The following TOR1AIP2 variants were observed in gnomAD, a reference collection of about 807,000 sequenced individuals.
TOR1AIP2 encodes torsin-1A-interacting protein 2.
A neutral mutation model predicts 32.6 loss-of-function variants in TOR1AIP2; 20 were observed. That is an observed-to-expected ratio of 0.61 (90% confidence interval 0.43 to 0.89). TOR1AIP2 has a LOEUF of 0.89. Among genes scored for constraint, TOR1AIP2 ranks in the 40% least tolerant of loss-of-function variants. The probability of loss-of-function intolerance (pLI) is 0.00; values close to 1 mark genes in which losing one functional copy is unlikely to be tolerated. For synonymous variants in TOR1AIP2, 214 were observed against 210.8 expected, an observed-to-expected ratio of 1.02 and a Z score of -0.13; for missense variants, 456 against 553.8, an observed-to-expected ratio of 0.82 and a Z score of 1.77.
intron 2 of TOR1AIP2, chr1:179,867,811 G>C (rs1374605375): frequency 6.6e-6 from 1 of 152,224 alleles, no homozygotes; most frequent in East Asian, 1.9e-4. Flanking sequence ...ACAAGCACTA[G>C]AATTCCAAGT....
intron 3 of TOR1AIP2, chr1:179,861,896 G>T: frequency 1.1e-6 from 1 of 932,644 alleles, no homozygotes. Context: ...ACAGTGGTCT[G>T]ACTATCTTGC....
chr1:179,854,772 G>A lies in TOR1AIP2; in HGVS notation c.-146-1961C>T, dbSNP rs543042176. ...TGTAATCCCAGCTACTCAGGAGGCTGAGGCAAGAGAATCGTTTGAACCCGG... is the reference window on the plus strand; with the variant it reads ...TGTAATCCCAGCTACTCAGGAGGCTAAGGCAAGAGAATCGTTTGAACCCGG... On this transcript the variant is annotated intron_variant, in intron 3 of 6. Coordinates refer to ENST00000609928, the MANE Select transcript of TOR1AIP2 (RefSeq NM_001199260.2). 7.2e-5 allele frequency among the ~76,000 whole-genome samples: 11 copies of A among 152,302 alleles called. No homozygotes were observed. In the South Asian group the frequency reaches 2.3e-3, roughly 32 times the overall value.
intron 2 of TOR1AIP2, among the ~76,000 whole-genome samples, chr1:179,872,003 A>G (rs1697027645): frequency 6.6e-6 from 1 of 152,224 alleles, no homozygotes; most frequent in African/African-American, 2.4e-5. Context: ...GATCACTGAG[A>G]GAAGGCATAT....
intron 3 of TOR1AIP2, among the ~76,000 whole-genome samples, chr1:179,857,291 T>C (rs1282782765): frequency 6.6e-6 from 1 of 152,246 alleles, no homozygotes; most frequent in Non-Finnish European, 1.5e-5. Flanking sequence ...TTCCACTTCC[T>C]TGTGACGCTG....
intron 3 of TOR1AIP2, chr1:179,864,765 T>C (rs1434247042): frequency 3.2e-6 from 5 of 1,561,580 alleles, no homozygotes; most frequent in African/African-American, 1.4e-5. Flanking sequence ...CTTGACAATT[T>C]TGACTATTAT....
intron 2 of TOR1AIP2, among the ~76,000 whole-genome samples, chr1:179,869,397 G>T (rs1696927181): frequency 6.6e-6 from 1 of 152,194 alleles, no homozygotes; most frequent in South Asian, 2.1e-4. Context: ...AAAGATAATT[G>T]TAATTTTGTT....
chr1:179,850,914 G>A lies in TOR1AIP2; in HGVS notation c.484C>T (p.Gln162Ter), dbSNP rs1416686463. The change falls in exon 5 of 7, where the codon CAG becomes TAG. Residue 162 changes from glutamine to a stop codon, truncating the protein, a stop_gained. Transcript: ENST00000609928. LOFTEE classifies it high-confidence loss of function. ...EPPTTDSQEA[Q>*]SPGHSSAGQE... is the part of the protein sequence containing the mutation. Reference sequence around the variant, plus strand: ...CCTGCACTGGAATGACCAGGACTCTGGGCCTCCTGGGAGTCTGTAGTAGGT... The same window carrying A: ...CCTGCACTGGAATGACCAGGACTCTAGGCCTCCTGGGAGTCTGTAGTAGGT... 6 of 1,614,178 alleles carry A rather than the reference G, an allele frequency of 3.7e-6. No individual in the cohort carries two copies. Among genetic ancestry groups the A allele is most frequent in the Admixed American group, 1.7e-5 (1 of 60,026 alleles).
At chr1:179,869,353 A>C (rs1478796436) in intron 2 of TOR1AIP2, among the ~76,000 whole-genome samples, 1 of 152,132 alleles carries the variant, frequency 6.6e-6, no homozygotes, top group African/African-American at 2.4e-5. Context: ...TGGGAGAGGG[A>C]AGGGTGGGGG....
chr1:179,846,411 C>T lies in TOR1AIP2; in HGVS notation c.1073G>A (p.Gly358Asp), dbSNP rs1173896917. ...GTGGTGTACCACAGCAGCCTTCTGG[C>T]CATTCTCAAACCCATAGCTCAGCTC... ...DLELSYGFEN[G>D]QKAAVVHHFE... The change falls in exon 7 of 7, where the codon GGC (glycine) becomes GAC (aspartate). Residue 358 changes from glycine to aspartate, a missense_variant. Gly to Asp is a moderately conservative substitution (Grantham distance 94, BLOSUM62 -1). Coordinates refer to ENST00000609928, the MANE Select transcript of TOR1AIP2 (RefSeq NM_001199260.2). 5 of 1,614,174 alleles carry T rather than the reference C, an allele frequency of 3.1e-6. No individual in the cohort carries two copies. The South Asian group carries it at 5.5e-5, about 18-fold the overall frequency.
intron 3 of TOR1AIP2, among the ~76,000 whole-genome samples, 169 bp from the exon 4 acceptor site, chr1:179,852,980 A>G (rs932270383): frequency 6.6e-6 from 1 of 152,192 alleles, no homozygotes; most frequent in Admixed American, 6.5e-5. Flanking sequence ...ATCCTAGACT[A>G]CTGAAAAAAG....
chr1:179,865,916 A>G (rs1696753057), intron 2 of TOR1AIP2, 62 bp from the exon 3 acceptor site: 1 of 152,634 alleles, frequency 6.6e-6, no homozygotes, highest in African/African-American at 2.4e-5. Flanking sequence ...TATTATTAGA[A>G]ACATGCATTT....
intron 6 of TOR1AIP2, 63 bp downstream of exon 6, chr1:179,847,472 G>A (rs547038981): frequency 2.1e-5 from 23 of 1,070,254 alleles, no homozygotes; most frequent in Non-Finnish European, 3.4e-5. Flanking sequence ...AGTTTTCTAG[G>A]CATTTTCACT....
At position 179,841,213 on chromosome 1, in the gene TOR1AIP2, G is replaced by A. The variant is rs922941954; in HGVS notation, c.*4858C>T. Reference sequence around the variant, plus strand: ...CCATTGGACAAGTGATAGTGTTCAAGCTACTTGACTTGTGAAAAACAAAAA... The same window carrying A: ...CCATTGGACAAGTGATAGTGTTCAAACTACTTGACTTGTGAAAAACAAAAA... On this transcript the variant is annotated 3_prime_UTR_variant, in exon 7 of 7. Transcript: ENST00000609928. 10 of 152,108 alleles carry A rather than the reference G, an allele frequency of 6.6e-5. No homozygotes were observed. Among genetic ancestry groups the A allele is most frequent in the Admixed American group, 3.9e-4 (6 of 15,262 alleles). The allele number at this position is 152,108 out of a possible 1,614,324, so 9.4% of individuals were successfully genotyped here.
intron 4 of TOR1AIP2, 145 bp downstream of exon 4, chr1:179,852,487 G>A: frequency 1.3e-6 from 1 of 750,758 alleles, no homozygotes; most frequent in Non-Finnish European, 2.2e-6. Context: ...AAATTTGAAA[G>A]AATAAGTATA....
In TOR1AIP2 at chr1:179,846,357, A is replaced by G. The variant is rs1412377382; in HGVS notation, c.1127T>C (p.Leu376Ser). 6 of 1,614,124 alleles carry G rather than the reference A, an allele frequency of 3.7e-6. No individual in the cohort carries two copies. Among genetic ancestry groups the G allele is most frequent in the Non-Finnish European group, 5.1e-6 (6 of 1,180,048 alleles). The change falls in exon 7 of 7, where the codon TTG (leucine) becomes TCG (serine). Residue 376 changes from leucine (L) to serine (S), a missense_variant. By Grantham distance (145) the Leu-to-Ser change is moderately radical. Transcript: ENST00000609928. ...ATGATCACAATACTTATAGAAGATC[A>G]AAGTGGAGCCGGCAGGGAAGGATTC... ...HFESFPAGST[L>S]IFYKYCDHEN...
chr1:179,854,739 C>T lies in TOR1AIP2; in HGVS notation c.-146-1928G>A, dbSNP rs368277612. ...TACAAAAATTAGCCGGGCATGGTGG[C>T]GCATGCCTGTAATCCCAGCTACTCA... is the stretch of plus-strand genomic sequence containing the variant. On this transcript the variant is annotated intron_variant, in intron 3 of 6. Coordinates refer to ENST00000609928, the MANE Select transcript of TOR1AIP2 (RefSeq NM_001199260.2). 7.2e-5 allele frequency among the ~76,000 whole-genome samples: 11 copies of T among 152,006 alleles called. No homozygotes were observed. In the East Asian group the frequency reaches 7.7e-4, roughly 11 times the overall value.
chr1:179,861,575 T>C (rs1696533417), intron 3 of TOR1AIP2: 1 of 981,762 alleles, frequency 1.0e-6, no homozygotes, highest in African/African-American at 1.7e-5. Context: ...ACAAAACTGT[T>C]TGTGAAGAAG....
chr1:179,843,782 C>T lies in TOR1AIP2; in HGVS notation c.*2289G>A, dbSNP rs1477064292. On this transcript the variant is annotated 3_prime_UTR_variant, in exon 7 of 7. Transcript: ENST00000609928. ...GCTACAGTGAGCTATGATCAAGCCA[C>T]AGCACTGCAGCCTGGGAGTCAGAGT... 8.2e-6 allele frequency: 1 copy of T among 121,766 alleles called. No homozygotes were observed. Among genetic ancestry groups the T allele is most frequent in the Non-Finnish European group, 1.6e-5 (1 of 63,568 alleles). The allele number at this position is 121,766 out of a possible 1,614,324, so 7.5% of individuals were successfully genotyped here.
chr1:179,876,417 G>T (rs1647308230), intron 2 of TOR1AIP2, among the ~76,000 whole-genome samples: 1 of 152,138 alleles, frequency 6.6e-6, no homozygotes. Context: ...GTCACGCAAG[G>T]TTGCGTAACA....
Sources: gnomAD v4.1 joint callset for allele counts (sites outside exome capture counted in the v4.1 genomes callset) on GRCh38, gnomAD v4.1.1 for gene constraint, MANE v1.5 for transcripts, NCBI Gene and HGNC (gene_info 2026-07-23, HGNC 2026-07-21) for gene names.